Variants in PDE1A observed in about 807,000 individuals in gnomAD.
PDE1A encodes the protein dual specificity calcium/calmodulin-dependent 3',5'-cyclic nucleotide phosphodiesterase 1A.
In PDE1A, 35 loss-of-function variants were observed where a neutral mutation model predicts 61.7. That is an observed-to-expected ratio of 0.57 (90% CI 0.43 to 0.75). The LOEUF is 0.75. Ranked by LOEUF, PDE1A falls within the 30% of genes least tolerant of loss-of-function variation. The pLI is 0.00. For missense variants in PDE1A, 597 were observed against 630.6 expected (o/e 0.95, Z 0.57); for synonymous variants, 232 against 213.2 (o/e 1.09, Z -0.77).
intron 1 of PDE1A, among the ~76,000 whole-genome samples, chr2:182,320,107 G>T (rs1696605396): frequency 6.6e-6 from 1 of 152,126 alleles, no homozygotes; most frequent in Non-Finnish European, 1.5e-5. Flanking sequence ...GTCAAGACTG[G>T]ACAAATACAA....
At chr2:182,386,022 A>G (rs1459632046) in intron 1 of PDE1A, among the ~76,000 whole-genome samples, 1 of 152,204 alleles carries the variant, frequency 6.6e-6, no homozygotes, top group Middle Eastern at 3.4e-3. Context: ...GCCACGCCTG[A>G]CTGTGTTTTT....
At chr2:182,539,626 C>T in the PDE1A span, among the ~76,000 whole-genome samples, 1 of 152,184 alleles carries the variant, frequency 6.6e-6, no homozygotes, top group African/African-American at 2.4e-5. Flanking sequence ...CATCACATCC[C>T]ATACTGAAAG....
At chr2:182,406,129 T>G (rs1251409945) in intron 1 of PDE1A, among the ~76,000 whole-genome samples, 2 of 152,122 alleles carry the variant, frequency 1.3e-5, no homozygotes, top group Non-Finnish European at 2.9e-5. Context: ...GTACTTCATT[T>G]TATTCTCACT....
the PDE1A span, among the ~76,000 whole-genome samples, chr2:182,612,645 C>A: frequency 2.0e-5 from 3 of 152,170 alleles, no homozygotes; most frequent in Non-Finnish European, 4.4e-5. Flanking sequence ...AAATGGCTTT[C>A]ACTATACACT....
chr2:182,320,566 G>C (rs1487167606), intron 1 of PDE1A, among the ~76,000 whole-genome samples: 1 of 152,124 alleles, frequency 6.6e-6, no homozygotes, highest in African/African-American at 2.4e-5. Flanking sequence ...GTTTATCTTT[G>C]TTAGGTTTGT....
intron 10 of PDE1A, among the ~76,000 whole-genome samples, chr2:182,195,648 C>T (rs1354044516): frequency 6.6e-6 from 1 of 152,082 alleles, no homozygotes; most frequent in Non-Finnish European, 1.5e-5. Context: ...GAATTTAAGA[C>T]ACAGTATTTA....
At chr2:182,384,675 C>T (rs1372605273) in intron 1 of PDE1A, among the ~76,000 whole-genome samples, 1 of 151,672 alleles carries the variant, frequency 6.6e-6, no homozygotes, top group Non-Finnish European at 1.5e-5. Context: ...ATTTGTGGAA[C>T]AGCATCAAAA....
chr2:182,593,438 T>C, the PDE1A span, among the ~76,000 whole-genome samples: 4 of 152,202 alleles, frequency 2.6e-5, no homozygotes, highest in Non-Finnish European at 4.4e-5. Flanking sequence ...AGAGATCATA[T>C]AGAAGCCCCA....
At chr2:182,459,517 A>G (rs543900639) in intron 2 of PDE1A, among the ~76,000 whole-genome samples, 1 of 152,250 alleles carries the variant, frequency 6.6e-6, no homozygotes, top group African/African-American at 2.4e-5. Flanking sequence ...CAGAAAAGGA[A>G]TTTACTAAAA....
the PDE1A span, among the ~76,000 whole-genome samples, chr2:182,575,471 A>G: frequency 2.6e-5 from 4 of 151,626 alleles, no homozygotes; most frequent in Non-Finnish European, 5.9e-5. Flanking sequence ...TCCTGGTGGC[A>G]ATGTTCCTTC....
At chr2:182,639,106 T>C in the PDE1A span, among the ~76,000 whole-genome samples, 1 of 152,174 alleles carries the variant, frequency 6.6e-6, no homozygotes, top group Non-Finnish European at 1.5e-5. Context: ...CATAAGTAGA[T>C]AAAAACTTGG....
intron 13 of PDE1A, among the ~76,000 whole-genome samples, chr2:182,173,606 A>G (rs1489435416): frequency 1.3e-5 from 2 of 151,662 alleles, no homozygotes; most frequent in African/African-American, 4.8e-5. Flanking sequence ...AATTACTAAC[A>G]TGATCTCATT....
chr2:182,465,598 C>G (rs1686606235), intron 2 of PDE1A, among the ~76,000 whole-genome samples: 1 of 152,012 alleles, frequency 6.6e-6, no homozygotes, highest in South Asian at 2.1e-4. Context: ...GAGAGTAGCA[C>G]TATCTAAATT....
chr2:182,690,920 C>G, the PDE1A span, among the ~76,000 whole-genome samples: 2 of 152,104 alleles, frequency 1.3e-5, no homozygotes, highest in South Asian at 2.1e-4. Context: ...GAGTGAACTC[C>G]CATTCACAAT....
intron 2 of PDE1A, among the ~76,000 whole-genome samples, chr2:182,512,262 C>T (rs573330365): frequency 6.4e-4 from 98 of 152,150 alleles, no homozygotes; most frequent in Non-Finnish European, 1.1e-3. Context: ...GGTGCTTAAC[C>T]TCAAGGGGCC....
intron 2 of PDE1A, among the ~76,000 whole-genome samples, chr2:182,495,906 G>A (rs1431332837): frequency 2.6e-5 from 4 of 152,174 alleles, no homozygotes; most frequent in Non-Finnish European, 4.4e-5. Flanking sequence ...AATCTGGAGT[G>A]TCAATGCACT....
chr2:182,481,048 G>A (rs1687670045), intron 2 of PDE1A, among the ~76,000 whole-genome samples: 1 of 151,900 alleles, frequency 6.6e-6, no homozygotes, highest in Admixed American at 6.6e-5. Flanking sequence ...CGAGTTTGCA[G>A]AGGGATGTGA....
chr2:182,491,789 C>T (rs1185789150), intron 2 of PDE1A, among the ~76,000 whole-genome samples: 1 of 152,094 alleles, frequency 6.6e-6, no homozygotes, highest in Non-Finnish European at 1.5e-5. Context: ...TATCATTCTC[C>T]TTATTGCTAC....
intron 2 of PDE1A, among the ~76,000 whole-genome samples, chr2:182,520,873 T>C (rs1192068853): frequency 6.6e-6 from 1 of 152,006 alleles, no homozygotes; most frequent in African/African-American, 2.4e-5. Context: ...TCTATGCTAA[T>C]TAATTTTGAG....
Sources: gnomAD v4.1 joint callset for allele counts (sites outside exome capture counted in the v4.1 genomes callset) on GRCh38, gnomAD v4.1.1 for gene constraint, MANE v1.5 for transcripts, NCBI Gene and HGNC (gene_info 2026-07-23, HGNC 2026-07-21) for gene names.